Variants in DNAH9 observed in about 807,000 individuals in gnomAD.
DNAH9 encodes the protein DNAH9 variant protein.
DNAH9 carries 345 observed loss-of-function variants against 471.6 expected under a neutral mutation model. That is an observed-to-expected ratio of 0.73 (90% CI 0.67 to 0.80). The LOEUF (loss-of-function observed/expected upper bound fraction) is 0.80. Ranked by LOEUF, DNAH9 falls within the 30% of genes least tolerant of loss-of-function variation. DNAH9 has a pLI of 0.00. For synonymous variants in DNAH9, 2,093 were observed against 2,123.6 expected, an observed-to-expected ratio of 0.99 and a Z score of 0.40; for missense variants, 5,407 against 5,609.2, an observed-to-expected ratio of 0.96 and a Z score of 1.15.
rs1442674094 is a variant in DNAH9, at chr17:11,946,671, A to AAC, written c.12843+4187_12843+4188insCA. ...AGAGCAAGACTCCATCTCAAAAAAA[A>AAC]AAAAAAAAAGAAAAAGAAAAAAAAA... On this transcript the variant is annotated intron_variant, in intron 67 of 68. Coordinates refer to ENST00000262442, the MANE Select transcript of DNAH9 (RefSeq NM_001372.4). 9.9e-5 allele frequency among the ~76,000 whole-genome samples: 15 copies of AAC among 151,512 alleles called. No homozygotes were observed. The East Asian group carries it at 2.7e-3, about 27-fold the overall frequency.
At chr17:11,730,426 C>T (rs777594185) in intron 28 of DNAH9, among the ~76,000 whole-genome samples, 4 of 152,296 alleles carry the variant, frequency 2.6e-5, no homozygotes, top group East Asian at 1.9e-4. Context: ...AGATCTTTTA[C>T]GTTTTAAAGA....
At chr17:11,822,295 G>A in intron 46 of DNAH9, 143 bp from the exon 47 acceptor site, 1 of 1,120,380 alleles carries the variant, frequency 8.9e-7, no homozygotes, top group East Asian at 2.4e-5. Context: ...TGGCTGGTGA[G>A]GCTGGCTAGC....
At chr17:11,840,370 T>C (rs1323444027) in intron 49 of DNAH9, among the ~76,000 whole-genome samples, 1 of 152,230 alleles carries the variant, frequency 6.6e-6, no homozygotes, top group Non-Finnish European at 1.5e-5. Flanking sequence ...TATTTAATGC[T>C]TCATAGTACT....
chr17:11,748,148 C>CAA (rs71142241), intron 32 of DNAH9, among the ~76,000 whole-genome samples: 6 of 64,668 alleles, frequency 9.3e-5, no homozygotes, highest in African/African-American at 2.5e-4. Flanking sequence ...ACTAAAAATA[C>CAA]AAAAAAAAAA....
intron 26 of DNAH9, among the ~76,000 whole-genome samples, chr17:11,709,644 T>C (rs374927895): frequency 9.8e-5 from 15 of 152,326 alleles, no homozygotes; most frequent in African/African-American, 3.6e-4. Flanking sequence ...ATAGGTGCGA[T>C]GGTTCAGTCC....
At chr17:11,821,490 T>C (rs1970307802) in intron 45 of DNAH9, among the ~76,000 whole-genome samples, 1 of 152,158 alleles carries the variant, frequency 6.6e-6, no homozygotes, top group Non-Finnish European at 1.5e-5. Context: ...TTTAAATATA[T>C]GGACCTATCT....
chr17:11,789,587 G>A (rs537130692), intron 41 of DNAH9, among the ~76,000 whole-genome samples: 10 of 151,912 alleles, frequency 6.6e-5, no homozygotes, highest in Non-Finnish European at 1.5e-4. Flanking sequence ...TTGCTAGGGA[G>A]TTAGCAATTG....
chr17:11,598,536 A>AGAACGCGGATGGGGAACCCGGCGCC lies in DNAH9; in HGVS notation c.41_65dup (p.Asp22GlufsTer38), dbSNP rs1230732720. The AGAACGCGGATGGGGAACCCGGCGCC allele has an allele frequency of 5.5e-5, 74 of 1,347,134 alleles. No homozygotes were observed. Among genetic ancestry groups the AGAACGCGGATGGGGAACCCGGCGCC allele is most frequent in the African/African-American group, 1.7e-4 (11 of 65,990 alleles). 83.4% of individuals were successfully genotyped at this position (1,347,134 alleles called of 1,614,324 possible). ...GAGGAGCGGGCCGCGCTCGCGGCGG[A>AGAACGCGGATGGGGAACCCGGCGCC]GAACGCGGATGGGGAACCCGGCGCC... On this transcript the variant is annotated frameshift_variant, in exon 1 of 69. Coordinates refer to ENST00000262442, the MANE Select transcript of DNAH9 (RefSeq NM_001372.4). LOFTEE classifies it high-confidence loss of function.
At chr17:11,610,654 C>A in intron 3 of DNAH9, 100 bp downstream of exon 3, 2 of 1,131,344 alleles carry the variant, frequency 1.8e-6, no homozygotes, top group Admixed American at 2.5e-5. Flanking sequence ...GCCTATTCTT[C>A]CCTATAGGTA....
chr17:11,646,355 C>T (rs1262114145), intron 11 of DNAH9, among the ~76,000 whole-genome samples: 2 of 152,046 alleles, frequency 1.3e-5, no homozygotes, highest in African/African-American at 4.8e-5. Flanking sequence ...TGTTGGCCTG[C>T]GATCCCCACC....
At chr17:11,649,798 T>A (rs1165643171) in intron 12 of DNAH9, among the ~76,000 whole-genome samples, 1 of 152,200 alleles carries the variant, frequency 6.6e-6, no homozygotes, top group Non-Finnish European at 1.5e-5. Context: ...GTATATTTAT[T>A]CTTCTTTGAA....
intron 57 of DNAH9, among the ~76,000 whole-genome samples, chr17:11,887,874 T>C (rs1038244350): frequency 6.6e-6 from 1 of 152,144 alleles, no homozygotes; most frequent in Non-Finnish European, 1.5e-5. Context: ...AGGCCTCCAG[T>C]TCCTGGGGCT....
chr17:11,701,826 G>A (rs1597502864), intron 24 of DNAH9, among the ~76,000 whole-genome samples: 6 of 152,116 alleles, frequency 3.9e-5, no homozygotes. Context: ...CTACAGGCAT[G>A]CGCCACCAGG....
At chr17:11,647,721 G>A (rs548349934) in intron 12 of DNAH9, among the ~76,000 whole-genome samples, 2 of 152,250 alleles carry the variant, frequency 1.3e-5, no homozygotes, top group African/African-American at 4.8e-5. Context: ...CGGTCTAGTT[G>A]GGGGTCACAA....
At chr17:11,825,181 A>G (rs1157715426) in intron 48 of DNAH9, among the ~76,000 whole-genome samples, 1 of 152,118 alleles carries the variant, frequency 6.6e-6, no homozygotes, top group Admixed American at 6.5e-5. Flanking sequence ...TACCTTTGCT[A>G]TAGAAAGGTA....
Position 11,797,696 on chromosome 17 carries a change from G to A in DNAH9, c.8323G>A (p.Glu2775Lys), listed in dbSNP as rs754629782. 6.8e-6 allele frequency: 11 copies of A among 1,614,164 alleles called. No homozygotes were observed. Among genetic ancestry groups the A allele is most frequent in the Non-Finnish European group, 9.3e-6 (11 of 1,180,016 alleles). Residue 2775 changes from glutamate to lysine, a missense_variant, in exon 43 of 69, where the codon GAA (glutamate) becomes AAA (lysine). Physicochemically the swap from Glu to Lys is moderately conservative, Grantham distance 56. This residue lies in a region of DNAH9 where 4,636 missense variants were observed against 4,900.3 expected (regional missense o/e 0.95). Coordinates refer to ENST00000262442, the MANE Select transcript of DNAH9 (RefSeq NM_001372.4). ...CAAATACATGCCTGTACAGTCTTGG[G>A]AACTTTTGACCCAGACTCTGGTGGA... ...EPKYMPVQSWELLTQTLVEAL... is the reference protein window; with the variant it reads ...EPKYMPVQSWKLLTQTLVEAL...
chr17:11,704,825 C>T (rs113407156), intron 25 of DNAH9, among the ~76,000 whole-genome samples, 200 bp from the exon 26 acceptor site: 16 of 152,262 alleles, frequency 1.1e-4, no homozygotes, highest in South Asian at 4.2e-4. Context: ...TCGGGTGATC[C>T]GCCTGCCTTG....
At chr17:11,763,762 C>A (rs953464891) in intron 36 of DNAH9, 148 bp downstream of exon 36, 1 of 767,812 alleles carries the variant, frequency 1.3e-6, no homozygotes, top group East Asian at 2.7e-5. Context: ...TATTACTCTG[C>A]TAAAGACATC....
chr17:11,658,399 A>C (rs1387238635), intron 14 of DNAH9, among the ~76,000 whole-genome samples: 1 of 152,184 alleles, frequency 6.6e-6, no homozygotes, highest in Non-Finnish European at 1.5e-5. Flanking sequence ...TATTAGATGT[A>C]GTAATTGCTT....
Sources: allele counts gnomAD v4.1 joint callset (sites outside exome capture counted in the v4.1 genomes callset), GRCh38; gene constraint gnomAD v4.1.1; regional missense constraint gnomAD v4.1.1; transcripts MANE v1.5; gene names NCBI Gene and HGNC (gene_info 2026-07-23, HGNC 2026-07-21).